Variants in DACH2 observed in about 807,000 individuals in gnomAD.
DACH2 encodes dachshund homolog 2.
In DACH2, 17 loss-of-function variants were observed where a neutral mutation model predicts 35.8. The observed-to-expected ratio is 0.48, with a 90% CI of 0.33 to 0.71. The LOEUF is 0.71. DACH2 is among the 30% of genes least tolerant of loss of function. DACH2 has a pLI of 0.02. For synonymous variants in DACH2, 195 were observed against 177.3 expected (o/e 1.10, Z -0.79); for missense variants, 469 against 472.7 (o/e 0.99, Z 0.07).
At chrX:86,797,695 T>C (rs2147331702) in intron 7 of DACH2, among the ~76,000 whole-genome samples, 1 of 112,140 alleles carries the variant, frequency 8.9e-6, no homozygotes, top group East Asian at 2.8e-4. Context: ...ATAAATGAAC[T>C]AAGGGCTGTT....
At chrX:86,277,750 A>T (rs1467990788) in intron 1 of DACH2, among the ~76,000 whole-genome samples, 1 of 111,923 alleles carries the variant, frequency 8.9e-6, no homozygotes, top group Non-Finnish European at 1.9e-5. Flanking sequence ...AATTGAGAGC[A>T]ATCATTGAAG....
intron 4 of DACH2, among the ~76,000 whole-genome samples, chrX:86,687,595 A>G (rs941026911): frequency 1.8e-5 from 2 of 111,605 alleles, no homozygotes; most frequent in Admixed American, 9.6e-5. Flanking sequence ...ATGCAAACGT[A>G]TGTTTATCGT....
At chrX:86,401,221 G>T (rs891733933) in intron 2 of DACH2, among the ~76,000 whole-genome samples, 13 of 112,498 alleles carry the variant, frequency 1.2e-4, no homozygotes, top group African/African-American at 4.2e-4. Flanking sequence ...TGTTAAGCCC[G>T]TTGGAAAAGC....
chrX:86,647,010 T>TA (rs2040424243), intron 3 of DACH2, among the ~76,000 whole-genome samples: 1 of 109,832 alleles, frequency 9.1e-6, no homozygotes, highest in Non-Finnish European at 1.9e-5. Context: ...CTATTATTTT[T>TA]AAAAATATAT....
intron 2 of DACH2, among the ~76,000 whole-genome samples, chrX:86,423,923 C>T (rs1023109198): frequency 1.8e-5 from 2 of 110,873 alleles, no homozygotes; most frequent in African/African-American, 6.5e-5. Flanking sequence ...TTTCCTAGCA[C>T]TATTTATTGA....
intron 1 of DACH2, among the ~76,000 whole-genome samples, chrX:86,161,932 T>C (rs1002511026): frequency 4.5e-5 from 5 of 111,835 alleles, no homozygotes; most frequent in Non-Finnish European, 9.4e-5. Context: ...TGTTTTAAAG[T>C]GAAAGCAAGT....
At chrX:86,640,711 C>T (rs776718017) in intron 3 of DACH2, among the ~76,000 whole-genome samples, 16 of 110,865 alleles carry the variant, frequency 1.4e-4, no homozygotes, top group East Asian at 2.9e-4. Context: ...TTTCAGAGCA[C>T]GAGAGGGAAC....
At chrX:86,546,185 C>A (rs947509815) in intron 3 of DACH2, among the ~76,000 whole-genome samples, 3 of 111,475 alleles carry the variant, frequency 2.7e-5, no homozygotes, top group Admixed American at 9.5e-5. Flanking sequence ...ATTGGCTGTG[C>A]TCTTGAAATA....
intron 1 of DACH2, among the ~76,000 whole-genome samples, chrX:86,162,236 G>A (rs2030788636): frequency 9.0e-6 from 1 of 110,996 alleles, no homozygotes; most frequent in Admixed American, 9.6e-5. Context: ...TTCAAAGAAG[G>A]GGCAGTGAAG....
At chrX:86,435,839 A>T (rs749110835) in intron 2 of DACH2, among the ~76,000 whole-genome samples, 1 of 111,907 alleles carries the variant, frequency 8.9e-6, no homozygotes, top group South Asian at 3.7e-4. Flanking sequence ...TTACAAATAA[A>T]TGGCAGTTAG....
intron 1 of DACH2, among the ~76,000 whole-genome samples, chrX:86,250,557 T>C (rs1274995643): frequency 3.6e-5 from 4 of 111,691 alleles, no homozygotes; most frequent in African/African-American, 1.3e-4. Flanking sequence ...CACTTTGTAC[T>C]ATTTTAAAGT....
At chrX:86,617,408 G>A (rs1412792075) in intron 3 of DACH2, among the ~76,000 whole-genome samples, 1 of 111,174 alleles carries the variant, frequency 9.0e-6, no homozygotes, top group Non-Finnish European at 1.9e-5. Context: ...CTAGCTACAA[G>A]CACGAGATGT....
At chrX:86,170,310 G>A (rs2031083707) in intron 1 of DACH2, among the ~76,000 whole-genome samples, 1 of 111,585 alleles carries the variant, frequency 9.0e-6, no homozygotes, top group Non-Finnish European at 1.9e-5. Context: ...TCACAGCACT[G>A]GTTCTTACCC....
intron 5 of DACH2, among the ~76,000 whole-genome samples, chrX:86,707,422 C>T (rs764557114): frequency 1.4e-3 from 154 of 111,231 alleles, no homozygotes; most frequent in Non-Finnish European, 2.5e-3. Flanking sequence ...GAAAATATAC[C>T]AATTCTCTGC....
rs908985145 is a variant in DACH2, at chrX:86,390,236, G to A, written c.527+13374G>A. Among the ~76,000 whole-genome samples the A allele has an allele frequency of 6.2e-5, 7 of 112,270 alleles. No homozygotes were observed. The East Asian group carries it at 2.0e-3, about 32-fold the overall frequency. Reference sequence around the variant, plus strand: ...ATTTATTCCCATGTAAGCACATTCAGTAGCTAAAATTGGACAGATTTGTTT... The same window carrying A: ...ATTTATTCCCATGTAAGCACATTCAATAGCTAAAATTGGACAGATTTGTTT... On this transcript the variant is annotated intron_variant, in intron 2 of 11. Coordinates refer to ENST00000373125, the MANE Select transcript of DACH2 (RefSeq NM_053281.3).
At position 86,813,262 on chromosome X, in the gene DACH2, G is replaced by A; in HGVS notation, c.1522G>A (p.Glu508Lys). 8.3e-7 allele frequency: 1 copy of A among 1,198,844 alleles called. No individual in the cohort carries two copies. The highest frequency in any genetic ancestry group is 1.1e-6 in the Non-Finnish European group (1 of 891,386). The change falls in exon 9 of 12, where the codon GAG (glutamate) becomes AAG (lysine). Residue 508 changes from glutamate to lysine, a missense_variant. Glu to Lys is a moderately conservative substitution (Grantham distance 56). Transcript: ENST00000373125. ...AAACCTTGAAAGACAACTTGCAGTT[G>A]AGCTTCAAAGCAGAAGTAAGTTTTA... Reference protein sequence around the residue: ...RENLERQLAVELQSRTTMQKR... With the variant: ...RENLERQLAVKLQSRTTMQKR...
chrX:86,804,054 G>A (rs1282772136), intron 7 of DACH2, among the ~76,000 whole-genome samples: 1 of 111,393 alleles, frequency 9.0e-6, no homozygotes, highest in African/African-American at 3.3e-5. Context: ...TTTGAATATC[G>A]CTTATCTGGA....
At chrX:86,303,169 C>A (rs1196438309) in intron 1 of DACH2, among the ~76,000 whole-genome samples, 1 of 105,779 alleles carries the variant, frequency 9.5e-6, no homozygotes, top group Non-Finnish European at 1.9e-5. Context: ...AAGAGCACTG[C>A]ACCAGGAATC....
intron 3 of DACH2, among the ~76,000 whole-genome samples, chrX:86,516,235 A>G (rs1396183179): frequency 8.9e-6 from 1 of 112,074 alleles, no homozygotes; most frequent in African/African-American, 3.2e-5. Flanking sequence ...ATGACCATCT[A>G]TTTCTTGCCT....
Sources: allele counts gnomAD v4.1 joint callset (sites outside exome capture counted in the v4.1 genomes callset), GRCh38; gene constraint gnomAD v4.1.1; transcripts MANE v1.5; gene names NCBI Gene and HGNC (gene_info 2026-07-23, HGNC 2026-07-21).